The following ATP13A3 variants were observed in gnomAD, a reference collection of about 807,000 sequenced individuals.
ATP13A3 encodes ATPase 13A3.
ATP13A3 carries 59 observed loss-of-function variants against 158.1 expected under a neutral mutation model. That is an observed-to-expected ratio of 0.37 (90% CI 0.30 to 0.46). ATP13A3 has a LOEUF of 0.46. ATP13A3 is among the 20% of genes least tolerant of loss of function. The probability of loss-of-function intolerance (pLI) is 1.00; values close to 1 mark genes in which losing one functional copy is unlikely to be tolerated. For missense variants in ATP13A3, 1,166 were observed against 1,525.2 expected, an observed-to-expected ratio of 0.76 and a Z score of 3.92; for synonymous variants, 491 against 504.3, an observed-to-expected ratio of 0.97 and a Z score of 0.35.
intron 2 of ATP13A3, among the ~76,000 whole-genome samples, chr3:194,473,161 T>C (rs565879094): frequency 6.6e-6 from 1 of 152,150 alleles, no homozygotes; most frequent in Admixed American, 6.5e-5. Flanking sequence ...GAAATTTCAA[T>C]GAGAAATTAT....
upstream of ATP13A3, among the ~76,000 whole-genome samples, chr3:194,487,207 T>C (rs559117054): frequency 3.3e-5 from 5 of 152,024 alleles, no homozygotes; most frequent in African/African-American, 4.8e-5. Flanking sequence ...AAACGCTGGG[T>C]GTCAGCCCGG....
At chr3:194,477,111 T>C (rs919835839) in intron 2 of ATP13A3, among the ~76,000 whole-genome samples, 4 of 152,202 alleles carry the variant, frequency 2.6e-5, no homozygotes, top group South Asian at 2.1e-4. Flanking sequence ...CTTCTTTATA[T>C]AGAATATTCC....
At chr3:194,455,307 C>T (rs1340240841) in intron 8 of ATP13A3, among the ~76,000 whole-genome samples, 1 of 152,146 alleles carries the variant, frequency 6.6e-6, no homozygotes, top group African/African-American at 2.4e-5. Context: ...TTAAACACCC[C>T]CCACCCAATG....
chr3:194,434,933 C>CA (rs1162573286), intron 20 of ATP13A3, among the ~76,000 whole-genome samples: 1 of 151,822 alleles, frequency 6.6e-6, no homozygotes, highest in African/African-American at 2.4e-5. Flanking sequence ...AAGAAACAAA[C>CA]AAAAAAAGAA....
At chr3:194,424,301 A>T (rs1219445008) in intron 30 of ATP13A3, 1 of 151,832 alleles carries the variant, frequency 6.6e-6, no homozygotes, top group Non-Finnish European at 1.5e-5. Context: ...TATAACAATA[A>T]ATAAGTAATA....
intron 31 of ATP13A3, among the ~76,000 whole-genome samples, chr3:194,415,530 CAAT>C (rs1158927080): frequency 6.6e-6 from 1 of 151,970 alleles, no homozygotes; most frequent in Non-Finnish European, 1.5e-5. Flanking sequence ...CTTCAAAGTT[CAAT>C]AATGCAGAAT....
In ATP13A3 at chr3:194,454,284, C is replaced by T. The variant is rs780042386; in HGVS notation, c.739G>A (p.Val247Ile). Residue 247 changes from valine (V) to isoleucine (I), a missense_variant, in exon 9 of 34, where the codon GTA becomes ATA. Val to Ile is a conservative substitution (Grantham distance 29). Coordinates refer to ENST00000645319, the MANE Select transcript of ATP13A3 (RefSeq NM_001367549.1). ...AIVVMSIVSI[V>I]SSLYSIRKQY... ...TTTCTAATGGAATATAGTGAGCTTA[C>T]GATTGATACTATGGACATAACCACA... is the stretch of plus-strand genomic sequence containing the variant. 9.3e-6 allele frequency: 15 copies of T among 1,607,366 alleles called. No homozygotes were observed. The East Asian group carries it at 2.2e-4, about 24-fold the overall frequency.
intron 33 of ATP13A3, among the ~76,000 whole-genome samples, 165 bp from the exon 34 acceptor site, chr3:194,406,281 T>C (rs1714925786): frequency 6.6e-6 from 1 of 152,022 alleles, no homozygotes; most frequent in Admixed American, 6.6e-5. Context: ...AAAGGCAGCT[T>C]TGGCCGGGCG....
rs1371635842 is a variant in ATP13A3, at chr3:194,437,407, T to G, written c.1903A>C (p.Met635Leu). 13 of 1,614,042 alleles carry G rather than the reference T, an allele frequency of 8.1e-6. No homozygotes were observed. The highest frequency in any genetic ancestry group is 1.1e-5 in the Non-Finnish European group (13 of 1,180,038). The change falls in exon 19 of 34, where the codon ATG becomes CTG. Residue 635 changes from methionine to leucine, a missense_variant. Transcript: ENST00000645319. ...QFPFSSALQR[M>L]SVVARVLGDR... ...CCCAGCACCCTGGCAACCACACTCA[T>G]ACGTTGCAAAGCAGAAGAAAATGGG... is the stretch of plus-strand genomic sequence containing the variant.
At chr3:194,416,244 G>A (rs573347026) in intron 31 of ATP13A3, among the ~76,000 whole-genome samples, 96 of 152,246 alleles carry the variant, frequency 6.3e-4, no homozygotes, top group African/African-American at 2.2e-3. Flanking sequence ...TGGATCGTGA[G>A]GTCAGGAGTT....
Position 194,450,229 on chromosome 3 carries a change from C to T in ATP13A3, c.886G>A (p.Val296Ile). The change falls in exon 11 of 34, where the codon GTC becomes ATC. Residue 296 changes from valine to isoleucine, a missense_variant. By Grantham distance (29) the Val-to-Ile change is conservative (BLOSUM62 3). Coordinates refer to ENST00000645319, the MANE Select transcript of ATP13A3 (RefSeq NM_001367549.1). ...STDLVPGDVM[V>I]IPLNGTIMPC... ...ATTATTGTCCCATTTAATGGAATGA[C>T]CATGACATCTCCTGGCACAAGGTCG... 2 of 1,613,300 alleles carry T rather than the reference C, an allele frequency of 1.2e-6. No individual in the cohort carries two copies. The highest frequency in any genetic ancestry group is 1.7e-6 in the Non-Finnish European group (2 of 1,179,354).
rs1171366028 is a variant in ATP13A3 at position 194,431,092 on chromosome 3, C to G, written c.2544+12G>C. ...ATTCATGTGAGCACACACATACACC[C>G]AAATTACTTACCTTAGGAACAAGGT... On this transcript the variant is annotated intron_variant, in intron 23 of 33. Transcript: ENST00000645319. 1 of 1,613,232 alleles carries G rather than the reference C, an allele frequency of 6.2e-7. No homozygotes were observed.
At chr3:194,422,349 A>G (rs1009062359) in intron 30 of ATP13A3, among the ~76,000 whole-genome samples, 11 of 152,360 alleles carry the variant, frequency 7.2e-5, no homozygotes, top group African/African-American at 2.6e-4. Flanking sequence ...TAATTGTACT[A>G]AAGTGTAAAC....
At chr3:194,477,708 G>A (rs1382944882) in intron 2 of ATP13A3, among the ~76,000 whole-genome samples, 1 of 152,228 alleles carries the variant, frequency 6.6e-6, no homozygotes, top group Non-Finnish European at 1.5e-5. Context: ...GATATGGGGA[G>A]TGGACACTCT....
chr3:194,427,850 T>C (rs557241058), intron 28 of ATP13A3, among the ~76,000 whole-genome samples: 1 of 152,088 alleles, frequency 6.6e-6, no homozygotes, highest in East Asian at 1.9e-4. Context: ...TGAAGCAATA[T>C]AAACATAGCA....
At chr3:194,466,848 A>T (rs1720018196) in intron 2 of ATP13A3, among the ~76,000 whole-genome samples, 2 of 152,206 alleles carry the variant, frequency 1.3e-5, no homozygotes, top group Non-Finnish European at 1.5e-5. Context: ...AAATTTAAAA[A>T]TTAATTCCCA....
chr3:194,416,554 G>A (rs2108749920), intron 31 of ATP13A3, among the ~76,000 whole-genome samples: 1 of 152,224 alleles, frequency 6.6e-6, no homozygotes, highest in South Asian at 2.1e-4. Flanking sequence ...CTATACACTA[G>A]AAATATACAG....
At chr3:194,439,375 T>C (rs1717882183) in intron 16 of ATP13A3, among the ~76,000 whole-genome samples, 1 of 152,214 alleles carries the variant, frequency 6.6e-6, no homozygotes, top group African/African-American at 2.4e-5. Flanking sequence ...GATTCAAAAG[T>C]ACATAGAGCT....
At chr3:194,468,899 C>T (rs1351188903) in intron 2 of ATP13A3, among the ~76,000 whole-genome samples, 2 of 152,054 alleles carry the variant, frequency 1.3e-5, no homozygotes, top group Non-Finnish European at 2.9e-5. Flanking sequence ...CATTATTCAC[C>T]GAGGCGGGTG....
Sources: gnomAD v4.1 joint callset for allele counts (sites outside exome capture counted in the v4.1 genomes callset) on GRCh38, gnomAD v4.1.1 for gene constraint, MANE v1.5 for transcripts, NCBI Gene and HGNC (gene_info 2026-07-23, HGNC 2026-07-21) for gene names.